Variants in PDGFRA observed in about 807,000 individuals in gnomAD.
PDGFRA encodes platelet-derived growth factor receptor alpha.
A neutral mutation model predicts 121.5 loss-of-function variants in PDGFRA; 25 were observed. That is an observed-to-expected ratio of 0.21 (90% CI 0.15 to 0.29). The LOEUF (loss-of-function observed/expected upper bound fraction) is 0.29. Among genes scored for constraint, PDGFRA ranks in the 10% least tolerant of loss-of-function variants. The pLI is 1.00. For missense variants in PDGFRA, 1,008 were observed against 1,345.1 expected (o/e 0.75, Z 3.92); for synonymous variants, 463 against 494.8 (o/e 0.94, Z 0.85).
chr4:54,240,461 G>C (rs767319711), intron 1 of PDGFRA, among the ~76,000 whole-genome samples: 2 of 152,246 alleles, frequency 1.3e-5, no homozygotes, highest in African/African-American at 2.4e-5. Flanking sequence ...GGATGCTCCA[G>C]GGTGTTTGGC....
intron 1 of PDGFRA, among the ~76,000 whole-genome samples, chr4:54,245,630 T>G (rs1192758597): frequency 7.3e-6 from 1 of 137,512 alleles, no homozygotes; most frequent in African/African-American, 2.5e-5. Context: ...TAAAGACCAT[T>G]GAGGCTAGGA....
At chr4:54,284,571 AG>A (rs1235309502) in intron 16 of PDGFRA, among the ~76,000 whole-genome samples, 8 of 132,354 alleles carry the variant, frequency 6.0e-5, no homozygotes, top group Non-Finnish European at 1.2e-4. Context: ...AGACAGAGAG[AG>A]AGAGAGAGAG....
chr4:54,247,068 C>T (rs1721720884), intron 1 of PDGFRA, among the ~76,000 whole-genome samples: 1 of 152,158 alleles, frequency 6.6e-6, no homozygotes, highest in Non-Finnish European at 1.5e-5. Flanking sequence ...GAAATTGTGG[C>T]AATAATCAGT....
intron 1 of PDGFRA, among the ~76,000 whole-genome samples, chr4:54,231,052 C>G (rs1720634730): frequency 6.6e-6 from 1 of 152,236 alleles, no homozygotes; most frequent in African/African-American, 2.4e-5. Flanking sequence ...GGCCTCGCGT[C>G]TTGGTCGGGA....
At position 54,238,426 on chromosome 4, in the gene PDGFRA, T is replaced by G. The variant is rs79272074; in HGVS notation, c.-13+9011T>G. Among the ~76,000 whole-genome samples, 25 of 152,328 alleles carry G rather than the reference T, an allele frequency of 1.6e-4. No homozygotes were observed. The East Asian group carries it at 4.8e-3, about 29-fold the overall frequency. The stretch of plus-strand genomic sequence containing the variant: ...TAAACCAGTTTACTCAGGAATCACA[T>G]GCACACATATTTTAGCTTCCAAAGC... On this transcript the variant is annotated intron_variant, in intron 1 of 22. Coordinates refer to ENST00000257290, the MANE Select transcript of PDGFRA (RefSeq NM_006206.6).
rs762230704 is a variant in PDGFRA at position 54,272,443 on chromosome 4, G to A, written c.1287G>A (p.Gly429=). 1.9e-6 allele frequency: 3 copies of A among 1,613,946 alleles called. No individual in the cohort carries two copies. The highest frequency in any genetic ancestry group is 2.5e-6 in the Non-Finnish European group (3 of 1,179,916). ...DLVDDHHGST[G]GQTVRCTAEG... Reference sequence around the variant, plus strand: ...TCGATGATCACCATGGCTCAACTGGGGGACAGACGGTGAGGTGCACAGCTG... The same window carrying A: ...TCGATGATCACCATGGCTCAACTGGAGGACAGACGGTGAGGTGCACAGCTG... Residue 429 remains glycine (G), a synonymous_variant, in exon 9 of 23, where the codon GGG becomes GGA. Transcript: ENST00000257290.
chr4:54,259,907 A>G (rs964327086), intron 2 of PDGFRA, among the ~76,000 whole-genome samples: 1 of 152,188 alleles, frequency 6.6e-6, no homozygotes, highest in African/African-American at 2.4e-5. Context: ...TTGTTTTCTA[A>G]GTTCTGTGCT....
chr4:54,248,475 T>C (rs1304502728), intron 1 of PDGFRA, among the ~76,000 whole-genome samples: 1 of 152,164 alleles, frequency 6.6e-6, no homozygotes, highest in African/African-American at 2.4e-5. Flanking sequence ...AAAGGATTCT[T>C]TATTTAATAA....
intron 7 of PDGFRA, among the ~76,000 whole-genome samples, chr4:54,269,996 T>A (rs1471966449): frequency 6.6e-6 from 1 of 151,822 alleles, no homozygotes; most frequent in African/African-American, 2.4e-5. Flanking sequence ...GCTTGAAAAA[T>A]AATCAAACAA....
chr4:54,244,281 C>T (rs1174761220), intron 1 of PDGFRA, among the ~76,000 whole-genome samples: 1 of 152,180 alleles, frequency 6.6e-6, no homozygotes, highest in African/African-American at 2.4e-5. Context: ...GGTCCCTGAC[C>T]CCTGACCCCT....
In PDGFRA at chr4:54,261,362, A is replaced by C; in HGVS notation, c.317A>C (p.Gln106Pro). Residue 106 changes from glutamine to proline, a missense_variant, in exon 3 of 23, where the codon CAG becomes CCG. Transcript: ENST00000257290. ...TACACTTGCTATTACAACCACACTC[A>C]GACAGAAGAGAATGAGCTTGAAGGC... is the stretch of plus-strand genomic sequence containing the variant. The part of the protein sequence containing the change: ...GLYTCYYNHT[Q>P]TEENELEGRH... 1 of 1,614,150 alleles carries C rather than the reference A, an allele frequency of 6.2e-7. No individual in the cohort carries two copies. The highest frequency in any genetic ancestry group is 1.1e-5 in the South Asian group (1 of 91,080).
chr4:54,288,440 C>A (rs992793830), intron 19 of PDGFRA, among the ~76,000 whole-genome samples: 1 of 152,088 alleles, frequency 6.6e-6, no homozygotes, highest in Non-Finnish European at 1.5e-5. Context: ...TTTGAACATA[C>A]CTGGTGAAAA....
intron 10 of PDGFRA, 68 bp downstream of exon 10, chr4:54,273,798 C>T (rs1723552068): frequency 3.8e-6 from 5 of 1,304,142 alleles, no homozygotes; most frequent in South Asian, 1.2e-5. Context: ...AACTTTGAAT[C>T]CCAGATAGGG....
At chr4:54,277,866 G>C (rs2110310509) in intron 13 of PDGFRA, 30 bp from the exon 14 acceptor site, 1 of 1,426,598 alleles carries the variant, frequency 7.0e-7, no homozygotes, top group Non-Finnish European at 9.9e-7. Context: ...TAGCTCAGCT[G>C]GACTGATATG....
At position 54,295,277 on chromosome 4, in the gene PDGFRA, C is replaced by T. The variant is rs755381639; in HGVS notation, c.*5C>T. The stretch of plus-strand genomic sequence containing the variant: ...GTGGAAGACAGCTTCCTGTAACTGG[C>T]GGATTCGAGGGGTTCCTTCCACTTC... On this transcript the variant is annotated 3_prime_UTR_variant, in exon 23 of 23. Coordinates refer to ENST00000257290, the MANE Select transcript of PDGFRA (RefSeq NM_006206.6). 69 of 1,613,884 alleles carry T rather than the reference C, an allele frequency of 4.3e-5. No individual in the cohort carries two copies. Among genetic ancestry groups the T allele is most frequent in the Non-Finnish European group, 5.1e-5 (60 of 1,179,854 alleles).
intron 7 of PDGFRA, among the ~76,000 whole-genome samples, chr4:54,269,984 G>A (rs754400118): frequency 4.6e-5 from 7 of 151,848 alleles, no homozygotes; most frequent in South Asian, 2.1e-4. Context: ...ATAGAATCCC[G>A]TGCTTGAAAA....
At chr4:54,269,350 A>G (rs1369275899) in intron 7 of PDGFRA, among the ~76,000 whole-genome samples, 1 of 152,174 alleles carries the variant, frequency 6.6e-6, no homozygotes, top group Non-Finnish European at 1.5e-5. Context: ...CACGTTTTAC[A>G]CACAAGGAAA....
chr4:54,263,761 T>C lies in PDGFRA; in HGVS notation c.462T>C (p.Asp154=), dbSNP rs1722879757. 1 of 1,613,974 alleles carries C rather than the reference T, an allele frequency of 6.2e-7. No homozygotes were observed. Among genetic ancestry groups the C allele is most frequent in the Admixed American group, 1.7e-5 (1 of 59,980 alleles). Residue 154 remains aspartate (D), a synonymous_variant, in exon 4 of 23, where the codon GAT becomes GAC. Coordinates refer to ENST00000257290, the MANE Select transcript of PDGFRA (RefSeq NM_006206.6). ...CCATTATACCTTGTCGCACAACTGA[T>C]CCCGAGACTCCTGTAACCTTACACA... is the stretch of plus-strand genomic sequence containing the variant. ...DSAIIPCRTT[D]PETPVTLHNS... is the part of the protein sequence containing the mutation.
At chr4:54,232,826 C>A (rs1392219350) in intron 1 of PDGFRA, among the ~76,000 whole-genome samples, 1 of 152,222 alleles carries the variant, frequency 6.6e-6, no homozygotes, top group East Asian at 1.9e-4. Context: ...CTCAGGTGAT[C>A]CGCCCACCTC....
Sources: gnomAD v4.1 joint callset for allele counts (sites outside exome capture counted in the v4.1 genomes callset) on GRCh38, gnomAD v4.1.1 for gene constraint, MANE v1.5 for transcripts, NCBI Gene and HGNC (gene_info 2026-07-23, HGNC 2026-07-21) for gene names.